NRXN3: variants seen among roughly 807,000 people sequenced by gnomAD.
NRXN3 encodes neurexin 3.
NRXN3 carries 32 observed loss-of-function variants against 137.6 expected under a neutral mutation model. The ratio of observed to expected loss-of-function variants is 0.23; its 90% CI spans 0.18 to 0.31. The LOEUF (loss-of-function observed/expected upper bound fraction) is 0.31. Ranked by LOEUF, NRXN3 falls within the 10% of genes least tolerant of loss-of-function variation. NRXN3 has a pLI of 1.00. For synonymous variants in NRXN3, 798 were observed against 784.5 expected, an observed-to-expected ratio of 1.02 and a Z score of -0.29; for missense variants, 1,574 against 2,062.5, an observed-to-expected ratio of 0.76 and a Z score of 4.59.
chr14:78,547,210 CA>C lies in NRXN3; in HGVS notation c.758-97909del, dbSNP rs545777231. Among the ~76,000 whole-genome samples, 215 of 124,816 alleles carry C rather than the reference CA, an allele frequency of 1.7e-3. 6 individuals are homozygous for C. The South Asian group carries it at 0.047, about 27-fold the overall frequency. The allele number at this position is 124,816 out of a possible 152,430, so 81.9% of individuals were successfully genotyped here. On this transcript the variant is annotated intron_variant, in intron 4 of 20. Coordinates refer to ENST00000335750, the MANE Select transcript of NRXN3 (RefSeq NM_001330195.2). ...TCTTCTGTCATTGCTCTTTTTTTTT[CA>C]TTTATTTTTTTTTGAGACGGAGTCT...
chr14:79,294,637 A>T (rs2083740200), intron 15 of NRXN3, among the ~76,000 whole-genome samples: 1 of 152,220 alleles, frequency 6.6e-6, no homozygotes, highest in East Asian at 1.9e-4. Flanking sequence ...CTTCTATTAC[A>T]TCACCCTGTA....
At chr14:79,004,734 C>A (rs1310557190) in intron 15 of NRXN3, among the ~76,000 whole-genome samples, 2 of 152,154 alleles carry the variant, frequency 1.3e-5, no homozygotes, top group Non-Finnish European at 2.9e-5. Context: ...ATTGAGAGAG[C>A]ATCTCTTGGA....
At chr14:79,762,600 A>G (rs1188729110) in intron 19 of NRXN3, among the ~76,000 whole-genome samples, 1 of 151,514 alleles carries the variant, frequency 6.6e-6, no homozygotes, top group Admixed American at 6.6e-5. Flanking sequence ...TCTTATCAAT[A>G]TGTTTGGCTT....
chr14:79,675,777 C>T (rs956202419), intron 17 of NRXN3, among the ~76,000 whole-genome samples: 1 of 151,958 alleles, frequency 6.6e-6, no homozygotes, highest in Non-Finnish European at 1.5e-5. Flanking sequence ...AATTCAACAC[C>T]AAAGACAGAC....
intron 4 of NRXN3, among the ~76,000 whole-genome samples, chr14:78,638,748 G>A (rs1273105736): frequency 6.6e-6 from 1 of 152,174 alleles, no homozygotes; most frequent in African/African-American, 2.4e-5. Flanking sequence ...CAGACTTGTA[G>A]AGGAACGAAC....
chr14:79,819,932 G>A (rs543789103), intron 20 of NRXN3, among the ~76,000 whole-genome samples: 34 of 152,076 alleles, frequency 2.2e-4, no homozygotes, highest in African/African-American at 7.7e-4. Flanking sequence ...CTTGCCCTTC[G>A]CTTTGCCAGT....
At chr14:79,825,545 G>A (rs1192845145) in intron 20 of NRXN3, among the ~76,000 whole-genome samples, 1 of 152,170 alleles carries the variant, frequency 6.6e-6, no homozygotes, top group Non-Finnish European at 1.5e-5. Flanking sequence ...GGAGCACAAT[G>A]CTTATGTGAT....
At chr14:79,536,126 T>A (rs1192098946) in intron 16 of NRXN3, among the ~76,000 whole-genome samples, 1 of 152,142 alleles carries the variant, frequency 6.6e-6, no homozygotes, top group Non-Finnish European at 1.5e-5. Context: ...CCTGAAGAGT[T>A]GAACTTTAGA....
intron 15 of NRXN3, chr14:79,280,134 A>G (rs1234074616): frequency 6.8e-7 from 1 of 1,465,448 alleles, no homozygotes; most frequent in Non-Finnish European, 9.0e-7. Flanking sequence ...TAATTTTTTA[A>G]CTGATTCATT....
rs1244689223 is a variant in NRXN3, at chr14:79,644,508, CTG to C, written c.3445-19269_3445-19268del. On this transcript the variant is annotated intron_variant, in intron 16 of 20. Transcript: ENST00000335750. The stretch of plus-strand genomic sequence containing the variant: ...ATCTGAGGCTTTCCCATTTGTAAAA[CTG>C]AGATTCATATACAACTGTGCAAAAT... Among the ~76,000 whole-genome samples the C allele has an allele frequency of 5.2e-5, 7 of 135,730 alleles. 2 individuals are homozygous for C. The highest frequency in any genetic ancestry group is 1.2e-4 in the Non-Finnish European group (7 of 58,412). 89.0% of individuals were successfully genotyped at this position (135,730 alleles called of 152,430 possible).
intron 15 of NRXN3, among the ~76,000 whole-genome samples, chr14:79,248,281 G>T (rs1190768178): frequency 6.6e-6 from 1 of 151,926 alleles, no homozygotes; most frequent in Non-Finnish European, 1.5e-5. Context: ...CCCATTTCAT[G>T]CCCCCACACA....
intron 15 of NRXN3, among the ~76,000 whole-genome samples, chr14:79,135,899 G>A (rs2058176140): frequency 1.3e-5 from 2 of 152,146 alleles, no homozygotes; most frequent in Admixed American, 6.5e-5. Context: ...TGAAACTACA[G>A]CTATGTTTAA....
chr14:78,273,610 G>T (rs1323519925), intron 2 of NRXN3, among the ~76,000 whole-genome samples: 1 of 152,320 alleles, frequency 6.6e-6, no homozygotes, highest in South Asian at 2.1e-4. Flanking sequence ...ACCAGCTGGG[G>T]TCTGTGTATG....
chr14:78,279,920 C>T (rs2074164555), intron 3 of NRXN3, among the ~76,000 whole-genome samples: 1 of 152,150 alleles, frequency 6.6e-6, no homozygotes, highest in South Asian at 2.1e-4. Flanking sequence ...TGGGATCTTA[C>T]ACAACATAAA....
At chr14:78,371,766 C>T (rs1567393747) in intron 4 of NRXN3, among the ~76,000 whole-genome samples, 2 of 152,230 alleles carry the variant, frequency 1.3e-5, no homozygotes, top group Non-Finnish European at 2.9e-5. Flanking sequence ...GGGCCAAGAG[C>T]CAGTGCACTC....
intron 8 of NRXN3, among the ~76,000 whole-genome samples, chr14:78,749,966 G>C (rs1231914342): frequency 6.6e-6 from 1 of 152,164 alleles, no homozygotes; most frequent in Non-Finnish European, 1.5e-5. Context: ...TGAAGATCAG[G>C]CTGCATTATT....
At chr14:78,980,415 C>T (rs1413468142) in intron 14 of NRXN3, among the ~76,000 whole-genome samples, 1 of 152,180 alleles carries the variant, frequency 6.6e-6, no homozygotes, top group East Asian at 1.9e-4. Context: ...TTGGTTAAGT[C>T]TTATTTGGGC....
At chr14:78,487,684 G>A (rs980946736) in intron 4 of NRXN3, among the ~76,000 whole-genome samples, 1 of 151,894 alleles carries the variant, frequency 6.6e-6, no homozygotes, top group Non-Finnish European at 1.5e-5. Context: ...AGAGGTTGCA[G>A]TGAGCTGAGA....
intron 8 of NRXN3, among the ~76,000 whole-genome samples, chr14:78,797,097 T>C (rs2098824164): frequency 6.6e-6 from 1 of 152,162 alleles, no homozygotes; most frequent in Non-Finnish European, 1.5e-5. Context: ...TTACTTATAT[T>C]GATACACTCA....
Sources: allele counts gnomAD v4.1 joint callset (sites outside exome capture counted in the v4.1 genomes callset), GRCh38; gene constraint gnomAD v4.1.1; transcripts MANE v1.5; gene names NCBI Gene and HGNC (gene_info 2026-07-23, HGNC 2026-07-21).